KIAA1217: variants seen among roughly 807,000 people sequenced by gnomAD.
KIAA1217 encodes the protein sickle tail protein homolog.
KIAA1217 carries 88 observed loss-of-function variants against 163.9 expected under a neutral mutation model. The observed-to-expected ratio is 0.54, with a 90% confidence interval of 0.45 to 0.64. KIAA1217 has a LOEUF of 0.64. KIAA1217 is among the 30% of genes least tolerant of loss of function. The pLI is 0.00. For missense variants in KIAA1217, 2,372 were observed against 2,475.0 expected (o/e 0.96, Z 0.88); for synonymous variants, 903 against 923.1 (o/e 0.98, Z 0.39).
At chr10:24,347,951 G>A (rs539622849) in intron 2 of KIAA1217, among the ~76,000 whole-genome samples, 4 of 152,148 alleles carry the variant, frequency 2.6e-5, no homozygotes, top group Non-Finnish European at 4.4e-5. Context: ...AATGGAATGC[G>A]TGTCATTCAT....
At chr10:24,104,070 CA>C (rs1392920387) in intron 2 of KIAA1217, among the ~76,000 whole-genome samples, 3 of 152,096 alleles carry the variant, frequency 2.0e-5, no homozygotes, top group Non-Finnish European at 4.4e-5. Flanking sequence ...GGTGGGAATG[CA>C]AAATGCTATA....
intron 2 of KIAA1217, among the ~76,000 whole-genome samples, chr10:24,114,459 C>G (rs927219571): frequency 2.6e-5 from 4 of 152,188 alleles, no homozygotes; most frequent in African/African-American, 9.7e-5. Context: ...TTACAGACCC[C>G]CCCTGTTGCA....
At chr10:23,858,315 T>G (rs1002317360) in intron 1 of KIAA1217, among the ~76,000 whole-genome samples, 1 of 152,266 alleles carries the variant, frequency 6.6e-6, no homozygotes, top group East Asian at 1.9e-4. Context: ...CCCAGCATGA[T>G]GACAGTTGTA....
intron 1 of KIAA1217, among the ~76,000 whole-genome samples, chr10:23,946,091 A>C (rs1238106301): frequency 6.6e-6 from 1 of 152,138 alleles, no homozygotes; most frequent in East Asian, 1.9e-4. Context: ...GTTATGGCAG[A>C]AACCACAATT....
chr10:24,147,006 TAAA>T (rs755857019), intron 2 of KIAA1217, among the ~76,000 whole-genome samples: 2,452 of 110,720 alleles, frequency 0.022, 62 homozygotes, highest in African/African-American at 0.077. Context: ...TTTGTTTTGT[TAAA>T]AAAAAAAAAA....
Position 24,473,348 on chromosome 10 carries a change from A to G in KIAA1217, c.967A>G (p.Met323Val). ...ACCGTCTACTCCAGTGCCCCATTCC[A>G]TGCCCCCCTCCCCGTCCAGAATTCC... ...SPPSTPVPHS[M>V]PPSPSRIPYG... Residue 323 changes from methionine (M) to valine (V), a missense_variant, in exon 6 of 21, where the codon ATG (methionine) becomes GTG (valine). By Grantham distance (21) the Met-to-Val change is conservative (BLOSUM62 1). This residue lies in a region of KIAA1217 where 1,431 missense variants were observed against 1,470.3 expected (regional missense o/e 0.97). Coordinates refer to ENST00000376454, the MANE Select transcript of KIAA1217 (RefSeq NM_019590.5). 6.3e-7 allele frequency: 1 copy of G among 1,598,896 alleles called. No individual in the cohort carries two copies. The highest frequency in any genetic ancestry group is 1.1e-5 in the South Asian group (1 of 88,124).
chr10:23,706,037 T>C (rs1836864250), intron 1 of KIAA1217, among the ~76,000 whole-genome samples: 1 of 152,200 alleles, frequency 6.6e-6, no homozygotes, highest in African/African-American at 2.4e-5. Context: ...AATTGTTTGC[T>C]TAATTTGATT....
At chr10:23,887,237 A>T (rs1002129712) in intron 1 of KIAA1217, among the ~76,000 whole-genome samples, 6 of 151,928 alleles carry the variant, frequency 3.9e-5, no homozygotes, top group East Asian at 3.9e-4. Flanking sequence ...GTCTTTTTTT[A>T]AAATTTAAAG....
chr10:24,206,142 G>A (rs2067543429), upstream of KIAA1217, among the ~76,000 whole-genome samples: 1 of 152,178 alleles, frequency 6.6e-6, no homozygotes, highest in Non-Finnish European at 1.5e-5. Flanking sequence ...CAGAAACGGA[G>A]TTGAAAACTT....
intron 2 of KIAA1217, among the ~76,000 whole-genome samples, chr10:24,141,923 A>T (rs1425648387): frequency 6.6e-6 from 1 of 151,982 alleles, no homozygotes; most frequent in Non-Finnish European, 1.5e-5. Flanking sequence ...TTTCAGCCTC[A>T]ATATATGACA....
Position 24,543,895 on chromosome 10 carries a change from A to T in KIAA1217, c.4625A>T (p.Glu1542Val), listed in dbSNP as rs1277204115. 1 of 1,614,100 alleles carries T rather than the reference A, an allele frequency of 6.2e-7. No individual in the cohort carries two copies. Among genetic ancestry groups the T allele is most frequent in the South Asian group, 1.1e-5 (1 of 91,066 alleles). Residue 1542 changes from glutamate (E) to valine (V), a missense_variant, in exon 19 of 21, where the codon GAG becomes GTG. By Grantham distance (121) the Glu-to-Val change is moderately radical. Coordinates refer to ENST00000376454, the MANE Select transcript of KIAA1217 (RefSeq NM_019590.5). ...NPGGQEMNRT[E>V]LNKFSHVDSP... ...GGAGGACAGGAAATGAACAGAACGG[A>T]GCTGAACAAGTTCAGCCACGTGGAT...
rs376126675 is a variant in KIAA1217 at position 23,896,351 on chromosome 10, A to C, written c.-320-110874A>C. On this transcript the variant is annotated intron_variant, in intron 1 of 18. Transcript: ENST00000376462. ...ATGAATTTGTCACACTTCTATTGGC[A>C]TTCACGCATCACACGCTGTCGAGAG... Among the ~76,000 whole-genome samples the C allele has an allele frequency of 6.6e-5, 10 of 152,164 alleles. No homozygotes were observed. The East Asian group carries it at 1.6e-3, about 24-fold the overall frequency.
At chr10:23,940,538 A>C (rs1345693080) in intron 1 of KIAA1217, among the ~76,000 whole-genome samples, 1 of 152,110 alleles carries the variant, frequency 6.6e-6, no homozygotes, top group Non-Finnish European at 1.5e-5. Context: ...TGATAAAACA[A>C]GTAGAGAATC....
At chr10:24,335,917 G>C (rs976283358) in intron 2 of KIAA1217, among the ~76,000 whole-genome samples, 2 of 152,210 alleles carry the variant, frequency 1.3e-5, no homozygotes, top group Non-Finnish European at 2.9e-5. Context: ...CAGTTGAATT[G>C]TGCACTTGAA....
chr10:24,092,175 C>T (rs1421076975), intron 2 of KIAA1217, among the ~76,000 whole-genome samples: 1 of 151,714 alleles, frequency 6.6e-6, no homozygotes, highest in Admixed American at 6.6e-5. Context: ...CCTCCCTAAA[C>T]CTCATGCCAC....
At chr10:24,139,330 T>A (rs1293337304) in intron 2 of KIAA1217, among the ~76,000 whole-genome samples, 1 of 152,168 alleles carries the variant, frequency 6.6e-6, no homozygotes, top group African/African-American at 2.4e-5. Context: ...ACAATTTACT[T>A]TTGTCCATAT....
chr10:24,151,215 A>G (rs1378766238), intron 2 of KIAA1217, among the ~76,000 whole-genome samples: 2 of 152,060 alleles, frequency 1.3e-5, no homozygotes, highest in Non-Finnish European at 2.9e-5. Context: ...GGGGAAGAAC[A>G]TATTAAAGCC....
At chr10:23,915,920 A>G (rs776981274) in intron 1 of KIAA1217, among the ~76,000 whole-genome samples, 2 of 152,176 alleles carry the variant, frequency 1.3e-5, no homozygotes, top group Non-Finnish European at 2.9e-5. Context: ...AGGGAGAAGC[A>G]CAAGATTTAG....
chr10:24,207,459 AG>A (rs773544288), upstream of KIAA1217, among the ~76,000 whole-genome samples: 2 of 152,190 alleles, frequency 1.3e-5, no homozygotes, highest in Non-Finnish European at 2.9e-5. Flanking sequence ...TTTGCACCTA[AG>A]GAAATAATAA....
Sources: gnomAD v4.1 joint callset for allele counts (sites outside exome capture counted in the v4.1 genomes callset) on GRCh38, gnomAD v4.1.1 for gene constraint, gnomAD v4.1.1 regional missense constraint, MANE v1.5 for transcripts, NCBI Gene and HGNC (gene_info 2026-07-23, HGNC 2026-07-21) for gene names.